The following MIDEAS variants were observed in gnomAD, a reference collection of about 807,000 sequenced individuals.
MIDEAS encodes mitotic deacetylase-associated SANT domain protein.
A neutral mutation model predicts 102.7 loss-of-function variants in MIDEAS; 26 were observed. The ratio of observed to expected loss-of-function variants is 0.25; its 90% CI spans 0.19 to 0.35. The LOEUF is 0.35. Among genes scored for constraint, MIDEAS ranks in the 10% least tolerant of loss-of-function variants. The pLI is 1.00. For synonymous variants in MIDEAS, 585 were observed against 591.0 expected (o/e 0.99, Z 0.15); for missense variants, 1,231 against 1,435.6 (o/e 0.86, Z 2.30).
intron 1 of MIDEAS, among the ~76,000 whole-genome samples, chr14:73,758,505 G>A (rs1431801752): frequency 6.6e-6 from 1 of 152,202 alleles, no homozygotes; most frequent in Admixed American, 6.5e-5. Flanking sequence ...GAGCAAGCCA[G>A]ACATCCCCTC....
At position 73,729,816 on chromosome 14, in the gene MIDEAS, A is replaced by G. The variant is rs368649873; in HGVS notation, c.1919T>C (p.Leu640Pro). ...YQSHLRSPVRLADHPSERSFE... is the reference protein window; with the variant it reads ...YQSHLRSPVRPADHPSERSFE... ...GCTCCGCTCAGAGGGGTGGTCAGCT[A>G]GGCGCACGGGAGAGCGCAGGTGGCT... Residue 640 changes from leucine (L) to proline (P), a missense_variant, in exon 4 of 13, where the codon CTA becomes CCA. By Grantham distance (98) the Leu-to-Pro change is moderately conservative. This residue lies in a region of MIDEAS where 758 missense variants were observed against 856.0 expected (regional missense o/e 0.89). Coordinates refer to ENST00000423556, the MANE Select transcript of MIDEAS (RefSeq NM_001367710.1). The G allele has an allele frequency of 1.2e-6, 2 of 1,612,852 alleles. No individual in the cohort carries two copies. Among genetic ancestry groups the G allele is most frequent in the African/African-American group, 2.7e-5 (2 of 74,478 alleles).
intron 7 of MIDEAS, 53 bp from the exon 8 acceptor site, chr14:73,726,161 G>T: frequency 7.1e-7 from 1 of 1,413,938 alleles, no homozygotes; most frequent in Non-Finnish European, 9.8e-7. Flanking sequence ...GTCGGTGGTG[G>T]ACGGAGCATT....
In MIDEAS at chr14:73,776,538, A is replaced by C. The variant is rs2053690180; in HGVS notation, c.-248+10564T>G. On this transcript the variant is annotated intron_variant, in intron 1 of 11. Coordinates refer to the MIDEAS transcript ENST00000394071. The stretch of plus-strand genomic sequence containing the variant: ...ATCTCTGTTTAAATTACAAAAAAAA[A>C]AAAAAAAAAGATGTGGATGTTTTCA... Among the ~76,000 whole-genome samples, 2 of 151,318 alleles carry C rather than the reference A, an allele frequency of 1.3e-5. 1 individual carries two copies. Among genetic ancestry groups the C allele is most frequent in the South Asian group, 4.2e-4 (2 of 4,750 alleles).
rs1003034849 is a variant in MIDEAS, at chr14:73,738,427, T to G, written c.1449+133A>C. ...CTGTGGCAAGGTGAAGGGTGGTCTT[T>G]GTACTGTTTTCCCACAGGCAGCTGG... is the stretch of plus-strand genomic sequence containing the variant. On this transcript the variant is annotated intron_variant, in intron 2 of 12. Coordinates refer to ENST00000423556, the MANE Select transcript of MIDEAS (RefSeq NM_001367710.1). 6.4e-6 allele frequency: 7 copies of G among 1,088,862 alleles called. No homozygotes were observed. The Admixed American group carries it at 1.7e-4, about 26-fold the overall frequency. The allele number at this position is 1,088,862 out of a possible 1,614,324, so 67.5% of individuals were successfully genotyped here.
chr14:73,752,342 A>G (rs740885), intron 1 of MIDEAS, among the ~76,000 whole-genome samples: 12,191 of 152,112 alleles, frequency 0.08, 910 homozygotes, highest in African/African-American at 0.2. Flanking sequence ...TAGACCTGGC[A>G]TTGCCAGGTC....
intron 1 of MIDEAS, among the ~76,000 whole-genome samples, chr14:73,769,151 A>G (rs2140166023): frequency 2.0e-5 from 3 of 152,222 alleles, no homozygotes; most frequent in Middle Eastern, 6.8e-3. Flanking sequence ...CTCCATCACA[A>G]GGGCTTCCAG....
Position 73,739,762 on chromosome 14 carries a change from T to G in MIDEAS, c.247A>C (p.Thr83Pro), listed in dbSNP as rs577345882. Residue 83 changes from threonine to proline, a missense_variant, in exon 2 of 13, where the codon ACC (threonine) becomes CCC (proline). By Grantham distance (38) the Thr-to-Pro change is conservative (BLOSUM62 -1). This residue lies in a region of MIDEAS where 758 missense variants were observed against 856.0 expected (regional missense o/e 0.89). Coordinates refer to ENST00000423556, the MANE Select transcript of MIDEAS (RefSeq NM_001367710.1). ...LNSVVYGPERTSAAMLSQQVA... is the reference protein window; with the variant it reads ...LNSVVYGPERPSAAMLSQQVA... ...TGCTGGGACAGCATGGCTGCTGAGG[T>G]CCGCTCAGGCCCATATACCACAGAG... The G allele has an allele frequency of 1.2e-6, 2 of 1,613,700 alleles. No homozygotes were observed. The highest frequency in any genetic ancestry group is 1.7e-5 in the Admixed American group (1 of 60,018).
chr14:73,768,148 C>CA, intron 1 of MIDEAS, among the ~76,000 whole-genome samples: 1 of 152,220 alleles, frequency 6.6e-6, no homozygotes, highest in African/African-American at 2.4e-5. Context: ...GCCTGGGTGA[C>CA]AGAGAGAAAG....
chr14:73,776,282 A>G (rs1012987751), intron 1 of MIDEAS, among the ~76,000 whole-genome samples: 2 of 151,998 alleles, frequency 1.3e-5, no homozygotes, highest in Non-Finnish European at 2.9e-5. Context: ...ATTCCAGAGG[A>G]GAATTCCAAT....
chr14:73,754,792 G>A (rs1260738332), intron 1 of MIDEAS: 1 of 152,218 alleles, frequency 6.6e-6, no homozygotes, highest in Non-Finnish European at 1.5e-5. Context: ...CCATTTCTGA[G>A]CTATGGGGGC....
At chr14:73,765,389 C>A (rs2053585156) in intron 1 of MIDEAS, among the ~76,000 whole-genome samples, 1 of 152,220 alleles carries the variant, frequency 6.6e-6, no homozygotes, top group Admixed American at 6.5e-5. Context: ...AACCACTCAT[C>A]TGCAAAATCG....
At chr14:73,757,750 G>A (rs2053503038) in intron 1 of MIDEAS, among the ~76,000 whole-genome samples, 1 of 152,210 alleles carries the variant, frequency 6.6e-6, no homozygotes, top group Non-Finnish European at 1.5e-5. Flanking sequence ...TTTCTCTGGG[G>A]ACTCTAGACA....
At chr14:73,775,169 G>T (rs1307998575) in intron 1 of MIDEAS, among the ~76,000 whole-genome samples, 2 of 152,060 alleles carry the variant, frequency 1.3e-5, no homozygotes, top group East Asian at 3.9e-4. Context: ...GGAGCAGCAA[G>T]AGGCCGGCTG....
chr14:73,788,853 C>T (rs7148842), upstream of MIDEAS: 41,335 of 152,088 alleles, frequency 0.27, 7,110 homozygotes, highest in Non-Finnish European at 0.38. Context: ...TGTGATACTC[C>T]ATATTTGCTA....
In MIDEAS at chr14:73,737,019, G is replaced by A. The variant is rs747659334; in HGVS notation, c.1728C>T (p.Pro576=). 3.1e-5 allele frequency: 50 copies of A among 1,613,190 alleles called. No individual in the cohort carries two copies. Among genetic ancestry groups the A allele is most frequent in the Middle Eastern group, 1.8e-4 (1 of 5,566 alleles). Residue 576 remains proline (P), a synonymous_variant, in exon 3 of 13, where the codon CCC becomes CCT. Transcript: ENST00000423556. ...IVTRRRSTRI[P]GTDAQAQAED... is the part of the protein sequence containing the mutation. The stretch of plus-strand genomic sequence containing the variant: ...ATACCTGAGCTTGAGCATCTGTCCC[G>A]GGGATTCGGGTGGACCGCCTGCGGG...
intron 1 of MIDEAS, among the ~76,000 whole-genome samples, chr14:73,741,675 C>T (rs1382191776): frequency 6.6e-6 from 1 of 152,164 alleles, no homozygotes; most frequent in East Asian, 1.9e-4. Flanking sequence ...CTCCCCAGCC[C>T]CTGTGCTCCT....
intron 3 of MIDEAS, among the ~76,000 whole-genome samples, chr14:73,730,435 G>C (rs1691278108): frequency 6.6e-6 from 1 of 152,152 alleles, no homozygotes; most frequent in Non-Finnish European, 1.5e-5. Flanking sequence ...CACCTTTATT[G>C]CCACTGAAAA....
chr14:73,736,980 A>G lies in MIDEAS; in HGVS notation c.1749+18T>C. 1.2e-6 allele frequency: 2 copies of G among 1,604,730 alleles called. No homozygotes were observed. Among genetic ancestry groups the G allele is most frequent in the Non-Finnish European group, 1.7e-6 (2 of 1,173,544 alleles). ...GCACTCACGCGCTGGAGGTGTTTAG[A>G]AGGGGCGCCTCTCATACCTGAGCTT... On this transcript the variant is annotated intron_variant, in intron 3 of 12. Transcript: ENST00000423556.
chr14:73,738,418 G>T, intron 2 of MIDEAS, 142 bp downstream of exon 2: 2 of 918,254 alleles, frequency 2.2e-6, no homozygotes, highest in Non-Finnish European at 3.0e-6. Flanking sequence ...CAAGGTGAAG[G>T]GTGGTCTTTG....
Sources: gnomAD v4.1 joint callset for allele counts (sites outside exome capture counted in the v4.1 genomes callset) on GRCh38, gnomAD v4.1.1 for gene constraint, gnomAD v4.1.1 regional missense constraint, MANE v1.5 for transcripts, NCBI Gene and HGNC (gene_info 2026-07-23, HGNC 2026-07-21) for gene names.